Variants in MAP3K15 observed in about 807,000 individuals in gnomAD.
MAP3K15 encodes MAPK/ERK kinase kinase 15.
MAP3K15 carries 124 observed loss-of-function variants against 99.5 expected under a neutral mutation model. The ratio of observed to expected loss-of-function variants is 1.25; its 90% CI spans 1.08 to 1.45. The LOEUF (loss-of-function observed/expected upper bound fraction) is 1.45. Among genes scored for constraint, MAP3K15 ranks in the 40% most tolerant of loss-of-function variants. The probability of loss-of-function intolerance (pLI) is 0.00; values close to 1 mark genes in which losing one functional copy is unlikely to be tolerated. For missense variants in MAP3K15, 1,242 were observed against 1,079.7 expected (o/e 1.15, Z -2.11); for synonymous variants, 494 against 439.6 (o/e 1.12, Z -1.55).
chrX:19,485,458 G>T (rs886349490), intron 3 of MAP3K15, among the ~76,000 whole-genome samples: 1 of 109,130 alleles, frequency 9.2e-6, no homozygotes, highest in Non-Finnish European at 1.9e-5. Flanking sequence ...TAAAACCACC[G>T]GATGCCTTAT....
In MAP3K15 at chrX:19,515,025, C is replaced by A. The variant is rs1265802395; in HGVS notation, c.237G>T (p.Pro79=). Residue 79 remains proline (P), a synonymous_variant, in exon 1 of 29, where the codon CCG becomes CCT. Transcript: ENST00000338883. The part of the protein sequence containing the change: ...ESSQGGAAGG[P]EAGARQCLLR... ...GCAGGCACTGCCGCGCCCCAGCCTC[C>A]GGGCCGCCGGCCGCGCCGCCCTGGG... 1 of 1,067,294 alleles carries A rather than the reference C, an allele frequency of 9.4e-7. No individual in the cohort carries two copies. 88.0% of individuals were successfully genotyped at this position (1,067,294 alleles called of 1,213,427 possible). A position where few individuals can be genotyped will look rare whatever the true frequency, so the allele number is the denominator to read the frequency against.
At chrX:19,507,569 T>C in intron 1 of MAP3K15, among the ~76,000 whole-genome samples, 1 of 57,104 alleles carries the variant, frequency 1.8e-5, no homozygotes, top group African/African-American at 8.6e-5. Context: ...GAGTGACACC[T>C]TGTCTCAAAA....
intron 18 of MAP3K15, among the ~76,000 whole-genome samples, chrX:19,381,295 G>C (rs2063456590): frequency 9.0e-6 from 1 of 111,631 alleles, no homozygotes; most frequent in Non-Finnish European, 1.9e-5. Flanking sequence ...CATGGCAGGT[G>C]CAACACCTGG....
chrX:19,379,202 G>A (rs1010185017), intron 19 of MAP3K15, among the ~76,000 whole-genome samples: 1 of 109,238 alleles, frequency 9.2e-6, no homozygotes, highest in Non-Finnish European at 1.9e-5. Context: ...TAAGACTCTT[G>A]CCAGAAATGT....
At chrX:19,385,510 G>A (rs1294083044) in intron 18 of MAP3K15, among the ~76,000 whole-genome samples, 1 of 111,370 alleles carries the variant, frequency 9.0e-6, no homozygotes. Flanking sequence ...GTGACTATCA[G>A]GAGGTAGGGA....
chrX:19,463,780 G>A (rs552772792), intron 4 of MAP3K15, among the ~76,000 whole-genome samples: 6 of 111,322 alleles, frequency 5.4e-5, no homozygotes, highest in East Asian at 5.6e-4. Flanking sequence ...TTTAAAGCAC[G>A]AGAGCGTAAG....
chrX:19,455,985 C>G, intron 6 of MAP3K15, among the ~76,000 whole-genome samples: 1 of 110,996 alleles, frequency 9.0e-6, no homozygotes, highest in Non-Finnish European at 1.9e-5. Context: ...TTAATGAAGA[C>G]TGGCCGTCAT....
At position 19,360,787 on chromosome X, in the gene MAP3K15, T is replaced by C; in HGVS notation, c.3904A>G (p.Arg1302Gly). The C allele has an allele frequency of 8.3e-7, 1 of 1,210,073 alleles. No individual in the cohort carries two copies. Among genetic ancestry groups the C allele is most frequent in the Non-Finnish European group, 1.1e-6 (1 of 894,709 alleles). ...RLWSAVSQYRRAQEASETKDK... is the reference protein window; with the variant it reads ...RLWSAVSQYRGAQEASETKDK... ...TTGGTTTCTGAGGCCTCCTGAGCCC[T>C]TCTGTACTGGGAGACCGCACTCCAG... Residue 1302 changes from arginine (R) to glycine (G), a missense_variant, in exon 29 of 29, where the codon AGG (arginine) becomes GGG (glycine). Coordinates refer to ENST00000338883, the MANE Select transcript of MAP3K15 (RefSeq NM_001001671.4).
At position 19,389,365 on chromosome X, in the gene MAP3K15, G is replaced by A. The variant is rs914387698; in HGVS notation, c.2431+2637C>T. Among the ~76,000 whole-genome samples the A allele has an allele frequency of 3.8e-5, 4 of 105,626 alleles. No homozygotes were observed. The East Asian group carries it at 1.2e-3, about 32-fold the overall frequency. The allele number at this position is 105,626 out of a possible 115,157, so 91.7% of individuals were successfully genotyped here. A position where few individuals can be genotyped will look rare whatever the true frequency, so the allele number is the denominator to read the frequency against. ...TATAACAGCCCTTCCTCCTGTTCTC[G>A]CAGGTTCCTATGTGTGGGGCAAACC... On this transcript the variant is annotated intron_variant, in intron 18 of 28. Transcript: ENST00000338883.
intron 2 of MAP3K15, among the ~76,000 whole-genome samples, chrX:19,487,376 GA>G (rs770741571): frequency 8.3e-4 from 91 of 109,114 alleles, no homozygotes; most frequent in African/African-American, 2.9e-3. Flanking sequence ...GTCCTAAATT[GA>G]AAAAAAAATT....
intron 7 of MAP3K15, among the ~76,000 whole-genome samples, chrX:19,429,818 G>C (rs1159392493): frequency 1.1e-5 from 1 of 90,588 alleles, no homozygotes. Flanking sequence ...GAGAGAGAGA[G>C]AGAGGAAGCA....
In MAP3K15 at chrX:19,392,438, G is replaced by A. The variant is rs1473322678; in HGVS notation, c.2230C>T (p.Pro744Ser). ...LSALLRSKWG[P>S]MKEPTIKFYT... ...AACTTGATTGTCGGTTCCTTCATCG[G>A]CCCCCATTTGGATCGCAGAAGAGCA... Residue 744 changes from proline to serine, a missense_variant, in exon 17 of 29, where the codon CCG becomes TCG. Physicochemically the swap from Pro to Ser is moderately conservative, Grantham distance 74. Transcript: ENST00000338883. 8.3e-7 allele frequency: 1 copy of A among 1,210,112 alleles called. No individual in the cohort carries two copies. The highest frequency in any genetic ancestry group is 1.8e-5 in the South Asian group (1 of 56,857).
intron 3 of MAP3K15, among the ~76,000 whole-genome samples, chrX:19,479,664 A>C (rs2064275756): frequency 8.9e-6 from 1 of 112,486 alleles, no homozygotes; most frequent in African/African-American, 3.2e-5. Flanking sequence ...GTGGCAAAGT[A>C]CTAGGAAGTT....
At chrX:19,434,399 ATTT>A (rs765670026) in intron 6 of MAP3K15, among the ~76,000 whole-genome samples, 17 of 94,309 alleles carry the variant, frequency 1.8e-4, no homozygotes, top group African/African-American at 5.6e-4. Flanking sequence ...TAATTTTTTA[ATTT>A]TTTTTTTTTT....
intron 1 of MAP3K15, among the ~76,000 whole-genome samples, chrX:19,503,909 G>A (rs2064457084): frequency 9.3e-6 from 1 of 107,458 alleles, no homozygotes. Flanking sequence ...GAGCCCAGGA[G>A]TTCGAGACCA....
At chrX:19,502,559 C>T (rs2064447534) in intron 1 of MAP3K15, among the ~76,000 whole-genome samples, 1 of 111,951 alleles carries the variant, frequency 8.9e-6, no homozygotes, top group African/African-American at 3.3e-5. Flanking sequence ...TGGCTCACAC[C>T]TGTAATCCCA....
At chrX:19,411,371 G>C (rs2063686188) in intron 11 of MAP3K15, among the ~76,000 whole-genome samples, 1 of 111,858 alleles carries the variant, frequency 8.9e-6, no homozygotes, top group African/African-American at 3.2e-5. Flanking sequence ...CTGGGAAGAT[G>C]GTTTCCGATG....
At chrX:19,407,894 CA>C (rs1166516011) in intron 12 of MAP3K15, among the ~76,000 whole-genome samples, 7 of 111,748 alleles carry the variant, frequency 6.3e-5, no homozygotes, top group African/African-American at 2.3e-4. Context: ...GCCCTCATGC[CA>C]GGAGGTATTA....
rs754342787 is a variant in MAP3K15 at position 19,498,529 on chromosome X, A to C, written c.362-9562T>G. Among the ~76,000 whole-genome samples the C allele has an allele frequency of 1.4e-4, 16 of 112,354 alleles. No homozygotes were observed. In the South Asian group the frequency reaches 6.1e-3, roughly 43 times the overall value. ...CACCTGTATCACCAGGGCCAGTGTGACACAATGATAGAAGACATGTTTAGA... is the reference window on the plus strand; with the variant it reads ...CACCTGTATCACCAGGGCCAGTGTGCCACAATGATAGAAGACATGTTTAGA... On this transcript the variant is annotated intron_variant, in intron 1 of 28. Coordinates refer to ENST00000338883, the MANE Select transcript of MAP3K15 (RefSeq NM_001001671.4).
Sources: allele counts gnomAD v4.1 joint callset (sites outside exome capture counted in the v4.1 genomes callset), GRCh38; gene constraint gnomAD v4.1.1; transcripts MANE v1.5; gene names NCBI Gene and HGNC (gene_info 2026-07-23, HGNC 2026-07-21).